DNAH8: variants seen among roughly 807,000 people sequenced by gnomAD.
The protein encoded by DNAH8 is axonemal beta dynein heavy chain 8.
A neutral mutation model predicts 562.1 loss-of-function variants in DNAH8; 382 were observed. The ratio of observed to expected loss-of-function variants is 0.68; its 90% CI spans 0.63 to 0.74. The LOEUF (loss-of-function observed/expected upper bound fraction) is 0.74. DNAH8 is among the 30% of genes least tolerant of loss of function. DNAH8 has a pLI of 0.00. For synonymous variants in DNAH8, 1,881 were observed against 1,919.4 expected (o/e 0.98, Z 0.52); for missense variants, 5,203 against 5,620.4 (o/e 0.93, Z 2.37).
At chr6:38,883,632 T>C (rs1778683012) in intron 55 of DNAH8, among the ~76,000 whole-genome samples, 176 bp downstream of exon 55, 1 of 152,162 alleles carries the variant, frequency 6.6e-6, no homozygotes, top group Admixed American at 6.5e-5. Context: ...CAAATCCAAA[T>C]AGCATACTTT....
chr6:38,977,713 G>A (rs1388533820), intron 85 of DNAH8, among the ~76,000 whole-genome samples: 1 of 152,026 alleles, frequency 6.6e-6, no homozygotes, highest in Non-Finnish European at 1.5e-5. Context: ...TACATTTTTA[G>A]CCACTTCCTA....
Position 38,866,838 on chromosome 6 carries a change from G to C in DNAH8, c.6655G>C (p.Val2219Leu). The C allele has an allele frequency of 6.2e-7, 1 of 1,612,764 alleles. No individual in the cohort carries two copies. Among genetic ancestry groups the C allele is most frequent in the Non-Finnish European group, 8.5e-7 (1 of 1,179,270 alleles). Residue 2219 changes from valine to leucine, a missense_variant, in exon 47 of 93, where the codon GTT (valine) becomes CTT (leucine). Physicochemically the swap from Val to Leu is conservative, Grantham distance 32. Around this residue, in one of 6 missense-constraint regions of DNAH8, gnomAD observed 2,176 missense variants for 2,365.1 expected, o/e 0.92. Coordinates refer to ENST00000327475, the MANE Select transcript of DNAH8 (RefSeq NM_001206927.2). ...ENVILAQKFY[V>L]LYKLCEEQLT... ...TGTTATCTTGGCTCAAAAATTTTAC[G>C]TTCTTTACAAACTCTGTGAAGAGCA...
Position 38,737,799 on chromosome 6 carries a change from T to TC in DNAH8, c.953-8dup, listed in dbSNP as rs1450906056. 16 of 1,396,256 alleles carry TC rather than the reference T, an allele frequency of 1.1e-5. No homozygotes were observed. Among genetic ancestry groups the TC allele is most frequent in the Non-Finnish European group, 1.4e-5 (15 of 1,064,176 alleles). 86.5% of individuals were successfully genotyped at this position (1,396,256 alleles called of 1,614,324 possible). A position where few individuals can be genotyped will look rare whatever the true frequency, so the allele number is the denominator to read the frequency against. On this transcript the variant is annotated splice_polypyrimidine_tract_variant and intron_variant, in intron 6 of 92. Transcript: ENST00000327475. ...AAATTAGTATTAAATGTCTTTTTTT[T>TC]CCTTTTTAGGTGCTAGAATAAGTAT...
intron 79 of DNAH8, among the ~76,000 whole-genome samples, chr6:38,939,432 G>T (rs1783255746): frequency 6.6e-6 from 1 of 152,184 alleles, no homozygotes; most frequent in Non-Finnish European, 1.5e-5. Context: ...CAAAAGAATG[G>T]AATTTTCATT....
rs989695011 is a variant in DNAH8, at chr6:38,908,053, A to G, written c.9446A>G (p.Asp3149Gly). The change falls in exon 64 of 93, where the codon GAT becomes GGT. Residue 3149 changes from aspartate (D) to glycine (G), a missense_variant. Asp to Gly is a moderately conservative substitution (Grantham distance 94). Coordinates refer to ENST00000327475, the MANE Select transcript of DNAH8 (RefSeq NM_001206927.2). Reference protein sequence around the residue: ...RELPRHPPTFDNLYEYFISRS... With the variant: ...RELPRHPPTFGNLYEYFISRS... ...CTACCTCGCCATCCTCCTACCTTTGATAATTTGTATGAATACTTCATTTCA... is the reference window on the plus strand; with the variant it reads ...CTACCTCGCCATCCTCCTACCTTTGGTAATTTGTATGAATACTTCATTTCA... 1 of 1,611,754 alleles carries G rather than the reference A, an allele frequency of 6.2e-7. No homozygotes were observed. The highest frequency in any genetic ancestry group is 8.5e-7 in the Non-Finnish European group (1 of 1,178,790).
intron 70 of DNAH8, among the ~76,000 whole-genome samples, chr6:38,918,803 T>C (rs1425534989): frequency 6.6e-6 from 1 of 152,028 alleles, no homozygotes; most frequent in African/African-American, 2.4e-5. Flanking sequence ...ACACACTGCC[T>C]CCAGGGCCCC....
intron 39 of DNAH8, 110 bp downstream of exon 39, chr6:38,851,784 A>C: frequency 6.9e-6 from 5 of 729,140 alleles, no homozygotes; most frequent in Non-Finnish European, 1.2e-5. Context: ...AGAGTATTAC[A>C]AATTACATTG....
At chr6:38,956,924 A>G (rs1466140342) in intron 82 of DNAH8, among the ~76,000 whole-genome samples, 1 of 152,252 alleles carries the variant, frequency 6.6e-6, no homozygotes, top group Admixed American at 6.5e-5. Context: ...GGCAGTAGTT[A>G]GTCCTTACCT....
At chr6:38,850,172 A>G in intron 37 of DNAH8, 79 bp from the exon 38 acceptor site, 2 of 1,376,796 alleles carry the variant, frequency 1.5e-6, no homozygotes, top group East Asian at 4.6e-5. Context: ...GAAGAACTAT[A>G]GAAAATTCCA....
At position 38,722,787 on chromosome 6, in the gene DNAH8, T is replaced by C. The variant is rs758605275; in HGVS notation, c.-23T>C. On this transcript the variant is annotated 5_prime_UTR_variant, in exon 2 of 93. Transcript: ENST00000327475. ...TGTTATAATTCTAGGTTTCGAAGTATAAAGCATTCCGCACGACGGGGGATG... is the reference window on the plus strand; with the variant it reads ...TGTTATAATTCTAGGTTTCGAAGTACAAAGCATTCCGCACGACGGGGGATG... 2 of 1,551,998 alleles carry C rather than the reference T, an allele frequency of 1.3e-6. No individual in the cohort carries two copies. Among genetic ancestry groups the C allele is most frequent in the South Asian group, 1.2e-5 (1 of 81,958 alleles).
chr6:38,812,537 G>A (rs1771890935), intron 24 of DNAH8, among the ~76,000 whole-genome samples: 1 of 152,176 alleles, frequency 6.6e-6, no homozygotes, highest in Admixed American at 6.5e-5. Flanking sequence ...TACAGAGGCT[G>A]CTCCATTGGC....
At chr6:38,739,497 C>A (rs1165690563) in intron 7 of DNAH8, among the ~76,000 whole-genome samples, 1 of 151,956 alleles carries the variant, frequency 6.6e-6, no homozygotes, top group East Asian at 1.9e-4. Context: ...ACCTGTGTAA[C>A]CTTTGCACAA....
chr6:38,757,963 T>C (rs866223345), intron 10 of DNAH8, among the ~76,000 whole-genome samples: 24 of 152,174 alleles, frequency 1.6e-4, no homozygotes, highest in Admixed American at 1.3e-4. Context: ...GTGATGCCTC[T>C]AGCTTTGTTC....
At chr6:38,818,712 A>C (rs1678702) in intron 26 of DNAH8, among the ~76,000 whole-genome samples, 75,052 of 151,902 alleles carry the variant, frequency 0.49, 19,531 homozygotes, top group East Asian at 0.7. Context: ...ACTGCTCTCA[A>C]CAAATGCTGG....
intron 91 of DNAH8, among the ~76,000 whole-genome samples, chr6:39,014,045 A>G (rs150469223): frequency 6.6e-6 from 1 of 152,300 alleles, no homozygotes; most frequent in African/African-American, 2.4e-5. Context: ...TTTGATCAAT[A>G]TTATACATGA....
chr6:38,753,227 G>A (rs896862828), intron 9 of DNAH8, among the ~76,000 whole-genome samples: 1 of 152,100 alleles, frequency 6.6e-6, no homozygotes, highest in Middle Eastern at 3.2e-3. Flanking sequence ...AGGTATTTCT[G>A]TGCACGTGAC....
chr6:38,723,349 G>C lies in DNAH8; in HGVS notation c.403G>C (p.Glu135Gln), dbSNP rs1229678505. 7 of 1,601,290 alleles carry C rather than the reference G, an allele frequency of 4.4e-6. No individual in the cohort carries two copies. Among genetic ancestry groups the C allele is most frequent in the Non-Finnish European group, 5.1e-6 (6 of 1,177,172 alleles). Residue 135 changes from glutamate to glutamine, a missense_variant, in exon 3 of 93, where the codon GAG becomes CAG. This residue lies in a region of DNAH8 where 556 missense variants were observed against 496.9 expected (regional missense o/e 1.12). Coordinates refer to ENST00000327475, the MANE Select transcript of DNAH8 (RefSeq NM_001206927.2). ...TLKERQARFREARESRRLKID... is the reference protein window; with the variant it reads ...TLKERQARFRQARESRRLKID... ...TTTCATTCCTTAGGCAAGATTTAGAGAGGCAAGGGAAAGCCGAAGACTGAA... is the reference window on the plus strand; with the variant it reads ...TTTCATTCCTTAGGCAAGATTTAGACAGGCAAGGGAAAGCCGAAGACTGAA...
intron 47 of DNAH8, 28 bp from the exon 48 acceptor site, chr6:38,868,034 A>G: frequency 2.5e-6 from 4 of 1,598,590 alleles, no homozygotes; most frequent in Non-Finnish European, 3.4e-6. Flanking sequence ...CAATTAAACC[A>G]TCTTTTTGCC....
chr6:38,910,274 T>C (rs1337150632), intron 65 of DNAH8, among the ~76,000 whole-genome samples: 1 of 152,232 alleles, frequency 6.6e-6, no homozygotes, highest in African/African-American at 2.4e-5. Context: ...ATGTTCATTA[T>C]GTGAAAGCTG....
Sources: gnomAD v4.1 joint callset for allele counts (sites outside exome capture counted in the v4.1 genomes callset) on GRCh38, gnomAD v4.1.1 for gene constraint, gnomAD v4.1.1 regional missense constraint, MANE v1.5 for transcripts, NCBI Gene and HGNC (gene_info 2026-07-23, HGNC 2026-07-21) for gene names.